TMOD1: variants seen among roughly 807,000 people sequenced by gnomAD.
TMOD1 encodes the protein tropomodulin 1.
TMOD1 carries 17 observed loss-of-function variants against 40.6 expected under a neutral mutation model. The ratio of observed to expected loss-of-function variants is 0.42; its 90% confidence interval spans 0.29 to 0.63. TMOD1 has a LOEUF of 0.63. Among genes scored for constraint, TMOD1 ranks in the 20% least tolerant of loss-of-function variants. TMOD1 has a pLI of 0.22. For missense variants in TMOD1, 391 were observed against 447.6 expected, an observed-to-expected ratio of 0.87 and a Z score of 1.14; for synonymous variants, 181 against 175.0, an observed-to-expected ratio of 1.03 and a Z score of -0.27.
intron 8 of TMOD1, among the ~76,000 whole-genome samples, chr9:97,580,622 G>C (rs1825730085): frequency 6.9e-6 from 1 of 145,342 alleles, no homozygotes; most frequent in Admixed American, 6.8e-5. Context: ...GAAAGAAAGA[G>C]AGGAAGGAAG....
Position 97,599,755 on chromosome 9 carries a change from C to T in TMOD1, c.*57C>T. ...GGATGTGTTCTATTGATGACCTGTG[C>T]TCTGCAGGGGAAACCAGAAGGCAAA... On this transcript the variant is annotated 3_prime_UTR_variant, in exon 10 of 10. Transcript: ENST00000259365. The T allele has an allele frequency of 6.2e-7, 1 of 1,612,904 alleles. No homozygotes were observed. The highest frequency in any genetic ancestry group is 1.1e-5 in the South Asian group (1 of 91,004).
chr9:97,549,928 A>G (rs1187619788), intron 3 of TMOD1, among the ~76,000 whole-genome samples: 2 of 152,320 alleles, frequency 1.3e-5, no homozygotes, highest in African/African-American at 4.8e-5. Context: ...TATATAACAT[A>G]AAATTAACCA....
intron 5 of TMOD1, 81 bp from the exon 6 acceptor site, chr9:97,563,957 T>A: frequency 6.7e-6 from 10 of 1,503,126 alleles, no homozygotes; most frequent in East Asian, 5.0e-5. Flanking sequence ...CTGCACATGC[T>A]CCCTTCCACA....
At chr9:97,518,537 C>T (rs74306823) in intron 1 of TMOD1, among the ~76,000 whole-genome samples, 1,790 of 152,346 alleles carry the variant, frequency 0.012, 42 homozygotes, top group East Asian at 0.1. Flanking sequence ...TACCCAACTC[C>T]TCTTTTTGGT....
At chr9:97,566,932 G>T (rs1830738225) in intron 7 of TMOD1, among the ~76,000 whole-genome samples, 1 of 152,086 alleles carries the variant, frequency 6.6e-6, no homozygotes, top group African/African-American at 2.4e-5. Context: ...TAAAGATTCT[G>T]GTCCATTTGG....
At chr9:97,576,956 C>T (rs2254733) in intron 8 of TMOD1, among the ~76,000 whole-genome samples, 34,330 of 152,002 alleles carry the variant, frequency 0.23, 4,669 homozygotes, top group African/African-American at 0.38. Flanking sequence ...GTTACTTCTA[C>T]GGAAGGGGGT....
intron 8 of TMOD1, among the ~76,000 whole-genome samples, chr9:97,569,675 T>C (rs1450376894): frequency 6.6e-6 from 1 of 152,194 alleles, no homozygotes; most frequent in Non-Finnish European, 1.5e-5. Context: ...GTGTTGAGAG[T>C]GTACTGTGGA....
rs150118160 is a variant in TMOD1, at chr9:97,522,436, T to C, written c.-48-1705T>C. Among the ~76,000 whole-genome samples, 905 of 152,338 alleles carry C rather than the reference T, an allele frequency of 5.9e-3. 8 individuals are homozygous for C. Among genetic ancestry groups the C allele is most frequent in the African/African-American group, 0.02 (850 of 41,562 alleles). On this transcript the variant is annotated intron_variant, in intron 1 of 9. Coordinates refer to ENST00000259365, the MANE Select transcript of TMOD1 (RefSeq NM_003275.4). Reference sequence around the variant, plus strand: ...TATCCAGTAAGACCTTGACTAAACTTAACTACTTATATCTGCAATGACCGT... The same window carrying C: ...TATCCAGTAAGACCTTGACTAAACTCAACTACTTATATCTGCAATGACCGT...
intron 8 of TMOD1, among the ~76,000 whole-genome samples, chr9:97,570,732 G>T (rs948255237): frequency 1.3e-5 from 2 of 152,192 alleles, no homozygotes; most frequent in Non-Finnish European, 2.9e-5. Flanking sequence ...CCCTTCAGGA[G>T]TGCCTGGTAA....
At chr9:97,581,876 A>T (rs1825763393) in intron 8 of TMOD1, among the ~76,000 whole-genome samples, 2 of 150,176 alleles carry the variant, frequency 1.3e-5, no homozygotes, top group African/African-American at 4.9e-5. Context: ...GTTTGAGTTC[A>T]TTGTAGATTC....
At position 97,553,323 on chromosome 9, in the gene TMOD1, T is replaced by C. The variant is rs770565404; in HGVS notation, c.320T>C (p.Leu107Pro). The C allele has an allele frequency of 6.2e-7, 1 of 1,614,202 alleles. No individual in the cohort carries two copies. The highest frequency in any genetic ancestry group is 8.5e-7 in the Non-Finnish European group (1 of 1,180,036). Residue 107 changes from leucine to proline, a missense_variant, in exon 4 of 10, where the codon CTG becomes CCG. By Grantham distance (98) the Leu-to-Pro change is moderately conservative. Transcript: ENST00000259365. ...VPKQKPLDPV[L>P]ESVTLEPELE... ...AAGCAGAAGCCACTGGATCCTGTGC[T>C]GGAAAGTGTGACGCTGGAACCGGAG...
chr9:97,502,185 C>T lies in TMOD1; in HGVS notation c.-49+382C>T, dbSNP rs1015944453. ...CCCGCAGGACTCCAGCGCGGCGGGG[C>T]TCTGAGCCCGCGGGGTGCTCAGCTG... On this transcript the variant is annotated intron_variant, in intron 1 of 9. Transcript: ENST00000259365. The surrounding 1 kb of genome is among the most constrained non-coding windows in gnomAD (Gnocchi z 6.1). Among the ~76,000 whole-genome samples the T allele has an allele frequency of 3.9e-5, 6 of 152,138 alleles. No individual in the cohort carries two copies. The highest frequency in any genetic ancestry group is 5.9e-5 in the Non-Finnish European group (4 of 68,002).
rs1470682643 is a variant in TMOD1 at position 97,600,042 on chromosome 9, T to C, written c.*344T>C. ...TTGCTGTGTGGTGTTTCAAGTGCAT[T>C]TAAAATGTGTGACACAGAAACGGCA... On this transcript the variant is annotated 3_prime_UTR_variant, in exon 10 of 10. Transcript: ENST00000259365. 5 of 1,078,384 alleles carry C rather than the reference T, an allele frequency of 4.6e-6. No homozygotes were observed. Among genetic ancestry groups the C allele is most frequent in the Non-Finnish European group, 5.7e-6 (5 of 884,570 alleles). The allele number at this position is 1,078,384 out of a possible 1,614,324, so 66.8% of individuals were successfully genotyped here. A position where few individuals can be genotyped will look rare whatever the true frequency, so the allele number is the denominator to read the frequency against.
rs896987033 is a variant in TMOD1, at chr9:97,600,982, A to T, written c.*1284A>T. Reference sequence around the variant, plus strand: ...AAATCTCATGATAAAGGACAAGGTCAAGAACTCCAGAGCACTGAGCAGAGA... The same window carrying T: ...AAATCTCATGATAAAGGACAAGGTCTAGAACTCCAGAGCACTGAGCAGAGA... On this transcript the variant is annotated 3_prime_UTR_variant, in exon 10 of 10. Transcript: ENST00000259365. The T allele has an allele frequency of 2.5e-6, 3 of 1,209,884 alleles. No homozygotes were observed. Among genetic ancestry groups the T allele is most frequent in the Non-Finnish European group, 3.2e-6 (3 of 940,036 alleles). 74.9% of individuals were successfully genotyped at this position (1,209,884 alleles called of 1,614,324 possible). A position where few individuals can be genotyped will look rare whatever the true frequency, so the allele number is the denominator to read the frequency against.
chr9:97,526,086 C>T (rs1017131816), intron 2 of TMOD1, among the ~76,000 whole-genome samples: 81 of 152,286 alleles, frequency 5.3e-4, no homozygotes, highest in African/African-American at 1.8e-3. Flanking sequence ...AATGTTGCCC[C>T]GGCCTGTAAG....
intron 9 of TMOD1, among the ~76,000 whole-genome samples, chr9:97,598,980 CAACA>C (rs758310953): frequency 5.9e-5 from 9 of 152,182 alleles, no homozygotes; most frequent in Non-Finnish European, 1.2e-4. Context: ...TCCCTTGTTA[CAACA>C]AACAGAGCCC....
intron 8 of TMOD1, among the ~76,000 whole-genome samples, chr9:97,586,730 G>A (rs544174324): frequency 8.5e-5 from 13 of 152,114 alleles, no homozygotes; most frequent in Non-Finnish European, 1.3e-4. Flanking sequence ...TAAGCCCGTC[G>A]GAAAAGCGCA....
At chr9:97,519,366 C>T (rs907698647) in intron 1 of TMOD1, among the ~76,000 whole-genome samples, 5 of 152,132 alleles carry the variant, frequency 3.3e-5, no homozygotes, top group African/African-American at 9.7e-5. Context: ...CACAGAGAAG[C>T]GGGGTGGCCG....
At chr9:97,586,995 C>G (rs1053333294) in intron 8 of TMOD1, among the ~76,000 whole-genome samples, 4 of 152,216 alleles carry the variant, frequency 2.6e-5, no homozygotes, top group Admixed American at 6.5e-5. Context: ...AGCTGTAGAC[C>G]GGAGCTGTTC....
Sources: gnomAD v4.1 joint callset for allele counts (sites outside exome capture counted in the v4.1 genomes callset) on GRCh38, gnomAD v4.1.1 for gene constraint, Gnocchi (gnomAD v3.1) non-coding constraint, MANE v1.5 for transcripts, NCBI Gene and HGNC (gene_info 2026-07-23, HGNC 2026-07-21) for gene names.